Variants in TAF4B observed in about 807,000 individuals in gnomAD.
TAF4B encodes the protein TATA-box binding protein associated factor 4b.
Under a neutral mutation model 86.4 loss-of-function variants are expected in TAF4B, and 38 were observed. The observed-to-expected ratio is 0.44, with a 90% CI of 0.34 to 0.58. TAF4B has a LOEUF of 0.58. Among genes scored for constraint, TAF4B ranks in the 20% least tolerant of loss-of-function variants. TAF4B has a pLI of 0.02. For synonymous variants in TAF4B, 388 were observed against 391.2 expected, an observed-to-expected ratio of 0.99 and a Z score of 0.10; for missense variants, 988 against 1,027.6, an observed-to-expected ratio of 0.96 and a Z score of 0.53.
intron 1 of TAF4B, among the ~76,000 whole-genome samples, chr18:26,247,982 C>T (rs1442956906): frequency 7.4e-6 from 1 of 135,010 alleles, no homozygotes; most frequent in Non-Finnish European, 1.6e-5. Flanking sequence ...ATAAGCAGTT[C>T]TCCTACGTCA....
At chr18:26,253,569 G>A (rs1045783464) in intron 1 of TAF4B, among the ~76,000 whole-genome samples, 6 of 152,106 alleles carry the variant, frequency 3.9e-5, no homozygotes, top group South Asian at 2.1e-4. Flanking sequence ...TTTTGGTATC[G>A]TTAATACTGA....
intron 9 of TAF4B, chr18:26,304,760 T>C (rs2056777311): frequency 1.0e-6 from 1 of 985,314 alleles, no homozygotes. Context: ...CTGACACCTT[T>C]TTTTTAACAG....
At chr18:26,285,222 G>GTTTTTTTTTGTTTTTTTTTTTT (rs2056500985) in intron 6 of TAF4B, among the ~76,000 whole-genome samples, 1 of 45,660 alleles carries the variant, frequency 2.2e-5, no homozygotes, top group Non-Finnish European at 4.5e-5. Flanking sequence ...TTTTTTTTTT[G>GTTTTTTTTTGTTTTTTTTTTTT]TTTTTTTTTT....
chr18:26,274,834 T>TA lies in TAF4B; in HGVS notation c.759+11dup, dbSNP rs771298978. 3.7e-6 allele frequency: 6 copies of TA among 1,614,178 alleles called. 1 individual carries two copies. In the South Asian group the frequency reaches 6.6e-5, roughly 18 times the overall value. On this transcript the variant is annotated intron_variant, in intron 4 of 14. Coordinates refer to ENST00000269142, the MANE Select transcript of TAF4B (RefSeq NM_005640.3). ...GATTAATCTTTCTCCGGTAAGCTCT[T>TA]ACTTGCACCTTACATAAATCTTGTT...
intron 1 of TAF4B, among the ~76,000 whole-genome samples, chr18:26,257,162 A>G (rs564077658): frequency 3.3e-5 from 5 of 152,028 alleles, no homozygotes; most frequent in Admixed American, 6.6e-5. Context: ...GTTTAGTTCT[A>G]TTCTTCATTG....
intron 14 of TAF4B, among the ~76,000 whole-genome samples, chr18:26,361,609 G>A (rs532039805): frequency 1.5e-3 from 227 of 151,834 alleles, no homozygotes; most frequent in African/African-American, 5.2e-3. Flanking sequence ...GCTGGGCGTG[G>A]TGTCATGTGC....
chr18:26,325,609 A>G (rs886503854), intron 11 of TAF4B, among the ~76,000 whole-genome samples: 12 of 152,204 alleles, frequency 7.9e-5, no homozygotes, highest in African/African-American at 2.4e-4. Context: ...GCTAAAATTT[A>G]AAAAGTCTGT....
At chr18:26,322,737 G>A (rs577907548) in intron 11 of TAF4B, among the ~76,000 whole-genome samples, 182 of 151,818 alleles carry the variant, frequency 1.2e-3, no homozygotes, top group African/African-American at 4.1e-3. Flanking sequence ...TTGATTTCGT[G>A]TATCTCCACT....
At chr18:26,350,258 T>A in intron 13 of TAF4B, among the ~76,000 whole-genome samples, 1 of 151,024 alleles carries the variant, frequency 6.6e-6, no homozygotes, top group Admixed American at 6.6e-5. Context: ...ATCCACAGAG[T>A]AAAAAAAATA....
intron 9 of TAF4B, among the ~76,000 whole-genome samples, chr18:26,303,819 A>G (rs576463825): frequency 6.6e-6 from 1 of 152,270 alleles, no homozygotes; most frequent in East Asian, 1.9e-4. Context: ...CCATAGGCCC[A>G]CTGTCTTCCA....
At chr18:26,315,192 C>CACACA in intron 9 of TAF4B, 37 bp from the exon 10 acceptor site, 3 of 1,333,236 alleles carry the variant, frequency 2.3e-6, no homozygotes, top group Non-Finnish European at 3.0e-6. Context: ...CACACACACA[C>CACACA]AACCTAAAAT....
chr18:26,319,613 C>G (rs1217090748), intron 10 of TAF4B, among the ~76,000 whole-genome samples: 3 of 150,196 alleles, frequency 2.0e-5, no homozygotes, highest in African/African-American at 7.4e-5. Context: ...TTTTGAGATG[C>G]AGTTTTGCTC....
chr18:26,382,302 T>C (rs1978293930), intron 14 of TAF4B, among the ~76,000 whole-genome samples: 1 of 152,150 alleles, frequency 6.6e-6, no homozygotes, highest in Non-Finnish European at 1.5e-5. Flanking sequence ...AAAATAACCA[T>C]AGTGTAAGTA....
Position 26,265,159 on chromosome 18 carries a change from T to A in TAF4B, c.344-11T>A. The A allele has an allele frequency of 6.2e-7, 1 of 1,602,780 alleles. No individual in the cohort carries two copies. Among genetic ancestry groups the A allele is most frequent in the Non-Finnish European group, 8.5e-7 (1 of 1,177,300 alleles). On this transcript the variant is annotated splice_polypyrimidine_tract_variant and intron_variant, in intron 1 of 14. Coordinates refer to ENST00000269142, the MANE Select transcript of TAF4B (RefSeq NM_005640.3). ...GCTCAGAGGTCACTTTTTTTTCTTT[T>A]TTAAATATAGGAACCGTTTTGATTA...
Position 26,281,961 on chromosome 18 carries a change from C to CA in TAF4B, c.883-9dup, listed in dbSNP as rs1568125597. On this transcript the variant is annotated splice_polypyrimidine_tract_variant and intron_variant, in intron 5 of 14. Coordinates refer to ENST00000269142, the MANE Select transcript of TAF4B (RefSeq NM_005640.3). ...GACTTAAAATTGTTTCTATTTCTCC[C>CA]ATCCCTCAGGATGCAAAAATCGAAG... 1 of 1,599,214 alleles carries CA rather than the reference C, an allele frequency of 6.3e-7. No homozygotes were observed. Among genetic ancestry groups the CA allele is most frequent in the Non-Finnish European group, 8.6e-7 (1 of 1,168,526 alleles).
intron 13 of TAF4B, among the ~76,000 whole-genome samples, chr18:26,350,183 T>G (rs2057233507): frequency 1.3e-5 from 2 of 152,110 alleles, no homozygotes; most frequent in African/African-American, 2.4e-5. Flanking sequence ...CAAAAGCGCC[T>G]GTAACAAAAG....
chr18:26,378,746 G>T (rs1293233610), intron 14 of TAF4B, among the ~76,000 whole-genome samples: 1 of 152,038 alleles, frequency 6.6e-6, no homozygotes, highest in Non-Finnish European at 1.5e-5. Flanking sequence ...TCTAATTTCT[G>T]TTACCATAGC....
chr18:26,356,036 G>A (rs2057286137), intron 13 of TAF4B, among the ~76,000 whole-genome samples: 1 of 151,940 alleles, frequency 6.6e-6, no homozygotes, highest in Non-Finnish European at 1.5e-5. Flanking sequence ...AGTTCATTTG[G>A]GCTGCTATAA....
intron 5 of TAF4B, 34 bp from the exon 6 acceptor site, chr18:26,281,937 A>G (rs1343486664): frequency 6.8e-7 from 1 of 1,474,522 alleles, no homozygotes; most frequent in Non-Finnish European, 9.4e-7. Context: ...AGATTTGTAG[A>G]CTTAAAATTG....
Sources: allele counts gnomAD v4.1 joint callset (sites outside exome capture counted in the v4.1 genomes callset), GRCh38; gene constraint gnomAD v4.1.1; transcripts MANE v1.5; gene names NCBI Gene and HGNC (gene_info 2026-07-23, HGNC 2026-07-21).